PIK3IP1: variants seen among roughly 807,000 people sequenced by gnomAD.
PIK3IP1 encodes the protein phosphoinositide-3-kinase-interacting protein 1.
A neutral mutation model predicts 30.7 loss-of-function variants in PIK3IP1; 28 were observed. The observed-to-expected ratio is 0.91, with a 90% CI of 0.68 to 1.25. The LOEUF (loss-of-function observed/expected upper bound fraction) is 1.25, where lower values mean the gene tolerates loss of function less well. Among genes scored for constraint, PIK3IP1 ranks in the 50% most tolerant of loss-of-function variants. The pLI is 0.00. For missense variants in PIK3IP1, 333 were observed against 346.2 expected (o/e 0.96, Z 0.30); for synonymous variants, 159 against 140.8 (o/e 1.13, Z -0.91).
At position 31,291,095 on chromosome 22, in the gene PIK3IP1, A is replaced by C; in HGVS notation, c.188-11T>G. The C allele has an allele frequency of 6.5e-7, 1 of 1,548,098 alleles. No homozygotes were observed. On this transcript the variant is annotated splice_polypyrimidine_tract_variant and intron_variant, in intron 2 of 5. Transcript: ENST00000215912. ...TGTGATTGCCGGCCCCTAAGAGAGG[A>C]GAGAAGGAAATGTGTGCCGGGGCTG...
chr22:31,290,752 T>C, intron 3 of PIK3IP1: 2 of 669,130 alleles, frequency 3.0e-6, no homozygotes, highest in Non-Finnish European at 4.6e-6. Context: ...CGCGCAGTTG[T>C]TTACAAGCGC....
chr22:31,283,962 T>C (rs1395546297), intron 5 of PIK3IP1, among the ~76,000 whole-genome samples: 1 of 152,110 alleles, frequency 6.6e-6, no homozygotes, highest in Non-Finnish European at 1.5e-5. Flanking sequence ...TGGAGTACAA[T>C]GGCACAATCT....
intron 3 of PIK3IP1, chr22:31,290,729 C>G (rs2068323147): frequency 5.5e-6 from 3 of 548,808 alleles, no homozygotes; most frequent in Admixed American, 4.1e-5. Flanking sequence ...CTAGCCTCAC[C>G]CCAGCCTCGC....
In PIK3IP1 at chr22:31,282,979, G is replaced by T; in HGVS notation, c.*105C>A. ...TAGGATTCGCCAAAAAAGCGGGGGA[G>T]TGGTAGGGTTTTAACCAGAACACAA... On this transcript the variant is annotated 3_prime_UTR_variant, in exon 6 of 6. Coordinates refer to ENST00000215912, the MANE Select transcript of PIK3IP1 (RefSeq NM_052880.5). 1 of 863,250 alleles carries T rather than the reference G, an allele frequency of 1.2e-6. No homozygotes were observed. Among genetic ancestry groups the T allele is most frequent in the Non-Finnish European group, 1.8e-6 (1 of 569,454 alleles). The allele number at this position is 863,250 out of a possible 1,614,324, so 53.5% of individuals were successfully genotyped here. A position where few individuals can be genotyped will look rare whatever the true frequency, so the allele number is the denominator to read the frequency against.
Position 31,283,076 on chromosome 22 carries a change from G to GC in PIK3IP1, c.*7_*8insG, listed in dbSNP as rs773516350. Reference sequence around the variant, plus strand: ...GTGTCTGCATGGGCTCCTGCCCACTGGGGGGGCTCAGGCCCCAGGAGTCCC... The same window carrying GC: ...GTGTCTGCATGGGCTCCTGCCCACTGCGGGGGGCTCAGGCCCCAGGAGTCCC... On this transcript the variant is annotated 3_prime_UTR_variant, in exon 6 of 6. Transcript: ENST00000215912. The GC allele has an allele frequency of 7.0e-6, 11 of 1,577,542 alleles. No individual in the cohort carries two copies. Among genetic ancestry groups the GC allele is most frequent in the Non-Finnish European group, 9.5e-6 (11 of 1,159,650 alleles).
Position 31,282,919 on chromosome 22 carries a change from C to G in PIK3IP1, c.*165G>C, listed in dbSNP as rs2049100366. The G allele has an allele frequency of 4.9e-6, 3 of 614,726 alleles. No homozygotes were observed. 38.1% of individuals were successfully genotyped at this position (614,726 alleles called of 1,614,324 possible). Reference sequence around the variant, plus strand: ...TTAGGACCCTACCCAGCCTTACCCTCAGCCCACAGGGCCACCTGCTTCTGT... The same window carrying G: ...TTAGGACCCTACCCAGCCTTACCCTGAGCCCACAGGGCCACCTGCTTCTGT... On this transcript the variant is annotated 3_prime_UTR_variant, in exon 6 of 6. Transcript: ENST00000215912.
Position 31,292,437 on chromosome 22 carries a change from G to C in PIK3IP1, c.-93C>G, listed in dbSNP as rs2049188214. ...TCTGCCTCCCAGTCCCAGCCTTGCA[G>C]TCAGACCTGCCCTTGTTATGCTGTT... On this transcript the variant is annotated 5_prime_UTR_variant, in exon 1 of 6. Transcript: ENST00000215912. The C allele has an allele frequency of 1.0e-6, 1 of 990,976 alleles. No homozygotes were observed. The highest frequency in any genetic ancestry group is 1.6e-6 in the Non-Finnish European group (1 of 616,802). 61.4% of individuals were successfully genotyped at this position (990,976 alleles called of 1,614,324 possible). A position where few individuals can be genotyped will look rare whatever the true frequency, so the allele number is the denominator to read the frequency against.
At chr22:31,283,948 A>G (rs1601458348) in intron 5 of PIK3IP1, among the ~76,000 whole-genome samples, 1 of 151,934 alleles carries the variant, frequency 6.6e-6, no homozygotes, top group East Asian at 1.9e-4. Flanking sequence ...CTTTTTGCCC[A>G]GGCTGGAGTA....
intron 3 of PIK3IP1, chr22:31,289,984 G>C (rs996085862): frequency 5.5e-6 from 2 of 361,074 alleles, no homozygotes; most frequent in Non-Finnish European, 5.1e-6. Flanking sequence ...GGCCCCTCTC[G>C]GTTGCGTTCT....
At chr22:31,290,726 C>CA (rs1242189315) in intron 3 of PIK3IP1, 8 of 529,674 alleles carry the variant, frequency 1.5e-5, no homozygotes, top group Admixed American at 4.1e-5. Flanking sequence ...GACCTAGCCT[C>CA]ACCCCAGCCT....
In PIK3IP1 at chr22:31,289,303, G is replaced by A. The variant is rs745969119; in HGVS notation, c.587+12C>T. ...CCTCCTCCTAAGAGGGCCCAGAAGA[G>A]AAGCTACTGACCTCTTGTAGGAGTA... On this transcript the variant is annotated intron_variant, in intron 5 of 5. Transcript: ENST00000215912. The A allele has an allele frequency of 3.1e-6, 5 of 1,613,496 alleles. No individual in the cohort carries two copies. The highest frequency in any genetic ancestry group is 2.2e-5 in the South Asian group (2 of 91,060).
intron 3 of PIK3IP1, chr22:31,290,003 G>A: frequency 3.1e-6 from 1 of 324,154 alleles, no homozygotes; most frequent in Non-Finnish European, 5.8e-6. Flanking sequence ...CTTCTGCAGG[G>A]GATTCCCCCC....
At chr22:31,290,004 G>C in intron 3 of PIK3IP1, 1 of 323,000 alleles carries the variant, frequency 3.1e-6, no homozygotes, top group Non-Finnish European at 5.8e-6. Context: ...TTCTGCAGGG[G>C]ATTCCCCCCA....
chr22:31,289,433 T>A (rs2123890524), intron 4 of PIK3IP1, 40 bp from the exon 5 acceptor site: 1 of 1,572,578 alleles, frequency 6.4e-7, no homozygotes, highest in East Asian at 2.3e-5. Context: ...AGCCACACCC[T>A]AGACAATCAG....
rs2049090551 is a variant in PIK3IP1 at position 31,281,708 on chromosome 22, G to A, written c.*1376C>T. ...TATAGAGAAATGCCTTTATAGAAAA[G>A]TAGAAACCAGTAATATTCTCTTCTC... On this transcript the variant is annotated 3_prime_UTR_variant, in exon 6 of 6. Coordinates refer to ENST00000215912, the MANE Select transcript of PIK3IP1 (RefSeq NM_052880.5). The A allele has an allele frequency of 6.6e-6, 1 of 152,454 alleles. No individual in the cohort carries two copies. The highest frequency in any genetic ancestry group is 1.5e-5 in the Non-Finnish European group (1 of 68,024). The allele number at this position is 152,454 out of a possible 1,614,324, so 9.4% of individuals were successfully genotyped here. A position where few individuals can be genotyped will look rare whatever the true frequency, so the allele number is the denominator to read the frequency against.
chr22:31,289,526 TGGAG>T lies in PIK3IP1; in HGVS notation c.477_480del (p.Asn159LysfsTer18). 1 of 1,541,006 alleles carries T rather than the reference TGGAG, an allele frequency of 6.5e-7. No individual in the cohort carries two copies. Among genetic ancestry groups the T allele is most frequent in the South Asian group, 1.2e-5 (1 of 81,026 alleles). Reference sequence around the variant, plus strand: ...AGAGTTCCCAGGTCCTTTTTCTCCTTGGAGTTCATCCGCACCCGCTGGCTGATCC... The same window carrying T: ...AGAGTTCCCAGGTCCTTTTTCTCCTTTTCATCCGCACCCGCTGGCTGATCC... On this transcript the variant is annotated frameshift_variant, in exon 4 of 6. Coordinates refer to ENST00000215912, the MANE Select transcript of PIK3IP1 (RefSeq NM_052880.5). LOFTEE classifies it high-confidence loss of function.
intron 3 of PIK3IP1, 84 bp from the exon 4 acceptor site, chr22:31,289,783 G>T: frequency 7.1e-7 from 1 of 1,412,496 alleles, no homozygotes. Flanking sequence ...TGTTAGGGTA[G>T]ATGAAGGTGG....
chr22:31,289,651 G>T lies in PIK3IP1; in HGVS notation c.356C>A (p.Ala119Glu). ...CTCATCTGCACCTGGCCCTTCAGAC[G>T]CTTCCTGGATTTCTGTCGTGAAGGC... Reference protein sequence around the residue: ...LPAFTTEIQEASEGPGADEVQ... With the variant: ...LPAFTTEIQEESEGPGADEVQ... Residue 119 changes from alanine (A) to glutamate (E), a missense_variant, in exon 4 of 6, where the codon GCG becomes GAG. This residue lies in a region of PIK3IP1 where 217 missense variants were observed against 227.7 expected (regional missense o/e 0.95). Coordinates refer to ENST00000215912, the MANE Select transcript of PIK3IP1 (RefSeq NM_052880.5). 1 of 1,554,424 alleles carries T rather than the reference G, an allele frequency of 6.4e-7. No individual in the cohort carries two copies.
rs769551604 is a variant in PIK3IP1 at position 31,289,516 on chromosome 22, T to C, written c.491A>G (p.Lys164Arg). 2.0e-6 allele frequency: 3 copies of C among 1,531,348 alleles called. No individual in the cohort carries two copies. Among genetic ancestry groups the C allele is most frequent in the Admixed American group, 2.1e-5 (1 of 47,490 alleles). 94.9% of individuals were successfully genotyped at this position (1,531,348 alleles called of 1,614,324 possible). The change falls in exon 4 of 6, where the codon AAG becomes AGG. Residue 164 changes from lysine to arginine, a missense_variant. By Grantham distance (26) the Lys-to-Arg change is conservative. This residue lies in a region of PIK3IP1 where 217 missense variants were observed against 227.7 expected (regional missense o/e 0.95). Coordinates refer to ENST00000215912, the MANE Select transcript of PIK3IP1 (RefSeq NM_052880.5). Reference protein sequence around the residue: ...QRVRMNSKEKKDLGTLGYVLG... With the variant: ...QRVRMNSKEKRDLGTLGYVLG... Reference sequence around the variant, plus strand: ...CGTCATACCCAGAGTTCCCAGGTCCTTTTTCTCCTTGGAGTTCATCCGCAC... The same window carrying C: ...CGTCATACCCAGAGTTCCCAGGTCCCTTTTCTCCTTGGAGTTCATCCGCAC...
Sources: allele counts gnomAD v4.1 joint callset (sites outside exome capture counted in the v4.1 genomes callset), GRCh38; gene constraint gnomAD v4.1.1; regional missense constraint gnomAD v4.1.1; transcripts MANE v1.5; gene names NCBI Gene and HGNC (gene_info 2026-07-23, HGNC 2026-07-21).